LRRIQ1: variants seen among roughly 807,000 people sequenced by gnomAD.
The protein encoded by LRRIQ1 is leucine rich repeats and IQ motif containing 1.
LRRIQ1 carries 210 observed loss-of-function variants against 211.9 expected under a neutral mutation model. The ratio of observed to expected loss-of-function variants is 0.99; its 90% confidence interval spans 0.89 to 1.11. The LOEUF (loss-of-function observed/expected upper bound fraction) is 1.11. Ranked by LOEUF, LRRIQ1 falls within the 50% of genes most tolerant of loss-of-function variation. LRRIQ1 has a pLI of 0.00. For synonymous variants in LRRIQ1, 699 were observed against 650.1 expected, an observed-to-expected ratio of 1.08 and a Z score of -1.14; for missense variants, 2,136 against 1,939.5, an observed-to-expected ratio of 1.10 and a Z score of -1.90.
intron 1 of LRRIQ1, among the ~76,000 whole-genome samples, chr12:85,252,481 T>C (rs898543839): frequency 6.6e-6 from 1 of 151,930 alleles, no homozygotes; most frequent in Non-Finnish European, 1.5e-5. Context: ...TATTAAAGTG[T>C]ATGAAGTTTT....
chr12:85,116,232 T>A (rs777267707), intron 15 of LRRIQ1, among the ~76,000 whole-genome samples: 41 of 152,168 alleles, frequency 2.7e-4, no homozygotes, highest in Non-Finnish European at 5.7e-4. Context: ...AAGCTCCGCC[T>A]CCCGGGTTCA....
At chr12:85,270,309 G>T in the LRRIQ1 span, among the ~76,000 whole-genome samples, 1 of 152,228 alleles carries the variant, frequency 6.6e-6, no homozygotes, top group African/African-American at 2.4e-5. Flanking sequence ...TATACAGATT[G>T]TTAATGACAG....
intron 11 of LRRIQ1, among the ~76,000 whole-genome samples, chr12:85,092,035 G>A (rs917074305): frequency 3.3e-5 from 5 of 152,160 alleles, no homozygotes; most frequent in African/African-American, 9.7e-5. Flanking sequence ...TCTCATAGGA[G>A]CGTGAATCCT....
chr12:85,072,887 A>C lies in LRRIQ1; in HGVS notation c.2696-20A>C. The C allele has an allele frequency of 6.4e-7, 1 of 1,572,678 alleles. No homozygotes were observed. The highest frequency in any genetic ancestry group is 8.6e-7 in the Non-Finnish European group (1 of 1,157,828). On this transcript the variant is annotated intron_variant, in intron 10 of 26. Coordinates refer to ENST00000393217, the MANE Select transcript of LRRIQ1 (RefSeq NM_001079910.2). ...TAATTCGTCTTATATATTTGGTCTTAATTCTGTCATCCTACTCAGGATATT... is the reference window on the plus strand; with the variant it reads ...TAATTCGTCTTATATATTTGGTCTTCATTCTGTCATCCTACTCAGGATATT...
chr12:85,095,080 C>A (rs570125800), intron 11 of LRRIQ1, among the ~76,000 whole-genome samples: 1 of 151,996 alleles, frequency 6.6e-6, no homozygotes, highest in Non-Finnish European at 1.5e-5. Context: ...TATTTTACTT[C>A]TTTTTGTGTG....
At chr12:85,120,117 A>G (rs1242002616) in intron 15 of LRRIQ1, among the ~76,000 whole-genome samples, 1 of 152,134 alleles carries the variant, frequency 6.6e-6, no homozygotes, top group Non-Finnish European at 1.5e-5. Context: ...CATCATACCA[A>G]AGGTCATCTA....
At chr12:85,212,813 AAGAGAG>A (rs369225618) in intron 24 of LRRIQ1, among the ~76,000 whole-genome samples, 1 of 147,874 alleles carries the variant, frequency 6.8e-6, no homozygotes, top group African/African-American at 2.5e-5. Context: ...GAGAGAGAGA[AAGAGAG>A]AGAGAGAGAG....
intron 10 of LRRIQ1, 52 bp downstream of exon 10, chr12:85,066,950 G>C: frequency 4.7e-6 from 5 of 1,071,238 alleles, no homozygotes; most frequent in Non-Finnish European, 6.4e-6. Flanking sequence ...ATAATTTATT[G>C]TGTTTTATTT....
At chr12:85,203,163 G>A (rs576016452) in intron 24 of LRRIQ1, among the ~76,000 whole-genome samples, 1 of 152,212 alleles carries the variant, frequency 6.6e-6, no homozygotes, top group African/African-American at 2.4e-5. Flanking sequence ...CTTTATCAGG[G>A]GTTTTCGCTT....
At chr12:85,164,525 T>C (rs1008808435) in intron 24 of LRRIQ1, among the ~76,000 whole-genome samples, 4 of 152,200 alleles carry the variant, frequency 2.6e-5, no homozygotes, top group African/African-American at 9.6e-5. Context: ...TCATTAGCAA[T>C]AGTCATTTTA....
intron 11 of LRRIQ1, among the ~76,000 whole-genome samples, chr12:85,082,788 G>T (rs1884435283): frequency 6.6e-6 from 1 of 152,006 alleles, no homozygotes; most frequent in African/African-American, 2.4e-5. Flanking sequence ...GCCTTTTATT[G>T]TTTGGGTTTG....
At chr12:85,110,192 TCC>T (rs1240028156) in intron 15 of LRRIQ1, among the ~76,000 whole-genome samples, 1 of 152,120 alleles carries the variant, frequency 6.6e-6, no homozygotes, top group African/African-American at 2.4e-5. Flanking sequence ...GTATGCAGTG[TCC>T]TCAGTGTCCT....
At chr12:85,124,750 A>C in intron 17 of LRRIQ1, 1 of 411,210 alleles carries the variant, frequency 2.4e-6, no homozygotes, top group Non-Finnish European at 4.3e-6. Flanking sequence ...AGTAGTATTT[A>C]AATGAGTAAA....
At chr12:85,243,683 A>T (rs1593018960) in intron 26 of LRRIQ1, among the ~76,000 whole-genome samples, 1 of 151,682 alleles carries the variant, frequency 6.6e-6, no homozygotes, top group East Asian at 1.9e-4. Flanking sequence ...TTAAGACCAA[A>T]TAAACAGGGA....
chr12:85,156,517 A>G lies in LRRIQ1; in HGVS notation c.4720+2423A>G, dbSNP rs574142537. 3.5e-4 allele frequency among the ~76,000 whole-genome samples: 53 copies of G among 151,768 alleles called. 1 individual carries two copies. The South Asian group carries it at 0.01, about 29-fold the overall frequency. ...GTGCCTCAGGTTTTCTTCTTATAGA[A>G]TAAAAAATGTTCAGTACTTTTTCCA... is the stretch of plus-strand genomic sequence containing the variant. On this transcript the variant is annotated intron_variant, in intron 23 of 26. Transcript: ENST00000393217.
chr12:85,065,203 T>C, intron 8 of LRRIQ1, 59 bp from the exon 9 acceptor site: 6 of 1,386,786 alleles, frequency 4.3e-6, no homozygotes, highest in Non-Finnish European at 5.9e-6. Context: ...AGGCTAATAT[T>C]GTTTATATTC....
At chr12:85,231,211 A>C (rs551429012) in intron 25 of LRRIQ1, among the ~76,000 whole-genome samples, 1 of 152,330 alleles carries the variant, frequency 6.6e-6, no homozygotes, top group South Asian at 2.1e-4. Context: ...ATAGGTTTAA[A>C]ACAAATCTCG....
At chr12:85,086,294 T>G (rs1884809041) in intron 11 of LRRIQ1, among the ~76,000 whole-genome samples, 1 of 152,136 alleles carries the variant, frequency 6.6e-6, no homozygotes, top group Admixed American at 6.5e-5. Flanking sequence ...TCCTCAGTGC[T>G]GGAGGTGGGG....
rs376625422 is a variant in LRRIQ1, at chr12:85,161,363, G to A, written c.4822+649G>A. On this transcript the variant is annotated intron_variant, in intron 24 of 26. Coordinates refer to ENST00000393217, the MANE Select transcript of LRRIQ1 (RefSeq NM_001079910.2). The stretch of plus-strand genomic sequence containing the variant: ...CATCTGCTTTCCTTTTAATATTAAT[G>A]TTTTTTAGTTTTTATACTAAAAAAT... Among the ~76,000 whole-genome samples the A allele has an allele frequency of 7.9e-5, 12 of 151,798 alleles. No individual in the cohort carries two copies. In the South Asian group the frequency reaches 2.1e-3, roughly 26 times the overall value.
Sources: gnomAD v4.1 joint callset for allele counts (sites outside exome capture counted in the v4.1 genomes callset) on GRCh38, gnomAD v4.1.1 for gene constraint, MANE v1.5 for transcripts, NCBI Gene and HGNC (gene_info 2026-07-23, HGNC 2026-07-21) for gene names.